Variants in SCML4 observed in about 807,000 individuals in gnomAD.
The protein encoded by SCML4 is Scm polycomb group protein like 4, also known as sex comb on midleg-like protein 4.
In SCML4, 34 loss-of-function variants were observed where a neutral mutation model predicts 41.1. That is an observed-to-expected ratio of 0.83 (90% CI 0.63 to 1.10). The LOEUF is 1.10. Among genes scored for constraint, SCML4 ranks in the 50% least tolerant of loss-of-function variants. The pLI, the probability that SCML4 is intolerant of heterozygous loss-of-function variation, is 0.00. For synonymous variants in SCML4, 214 were observed against 220.9 expected, an observed-to-expected ratio of 0.97 and a Z score of 0.28; for missense variants, 522 against 534.1, an observed-to-expected ratio of 0.98 and a Z score of 0.22.
At chr6:107,790,503 G>A (rs1321006678) in intron 1 of SCML4, among the ~76,000 whole-genome samples, 2 of 152,106 alleles carry the variant, frequency 1.3e-5, no homozygotes, top group Non-Finnish European at 2.9e-5. Context: ...TTATTTTCTA[G>A]GTCTTCTCCC....
At chr6:107,805,107 A>T (rs535819141) in intron 1 of SCML4, among the ~76,000 whole-genome samples, 64 of 152,270 alleles carry the variant, frequency 4.2e-4, no homozygotes, top group African/African-American at 1.3e-3. Context: ...TGGCTATAGG[A>T]AGCAAAAAGA....
chr6:107,743,786 G>A (rs1240558225), intron 5 of SCML4, among the ~76,000 whole-genome samples: 1 of 152,168 alleles, frequency 6.6e-6, no homozygotes, highest in Admixed American at 6.5e-5. Flanking sequence ...AGAGATAAAA[G>A]CAAAATTGTA....
At chr6:107,789,281 G>A (rs1397287466) in intron 1 of SCML4, among the ~76,000 whole-genome samples, 2 of 152,190 alleles carry the variant, frequency 1.3e-5, no homozygotes, top group Non-Finnish European at 1.5e-5. Flanking sequence ...ACTAAGCAGA[G>A]CACAGGGACG....
chr6:107,779,449 T>C (rs937168055), intron 1 of SCML4, among the ~76,000 whole-genome samples: 2 of 151,992 alleles, frequency 1.3e-5, no homozygotes, highest in African/African-American at 4.8e-5. Flanking sequence ...GCAGGGATGT[T>C]TGGTGGTGCA....
chr6:107,747,417 C>G (rs1778234363), intron 3 of SCML4, among the ~76,000 whole-genome samples: 1 of 152,102 alleles, frequency 6.6e-6, no homozygotes, highest in Non-Finnish European at 1.5e-5. Context: ...CAACAACCCG[C>G]TTAGGTGAAC....
At chr6:107,805,215 T>A (rs1372467387) in intron 1 of SCML4, among the ~76,000 whole-genome samples, 1 of 152,140 alleles carries the variant, frequency 6.6e-6, no homozygotes, top group South Asian at 2.1e-4. Context: ...CAAAACCATA[T>A]GGCCCCCAAA....
At chr6:107,770,069 A>G (rs1436148200) in intron 2 of SCML4, among the ~76,000 whole-genome samples, 1 of 152,132 alleles carries the variant, frequency 6.6e-6, no homozygotes, top group Non-Finnish European at 1.5e-5. Flanking sequence ...ATGGAGTGAA[A>G]CTGTACAATT....
At chr6:107,834,563 G>C in the SCML4 span, among the ~76,000 whole-genome samples, 2 of 152,194 alleles carry the variant, frequency 1.3e-5, no homozygotes, top group African/African-American at 4.8e-5. Context: ...TCCAGTGAAG[G>C]CCACCAGTGA....
At chr6:107,738,202 C>A (rs1007734845) in intron 5 of SCML4, among the ~76,000 whole-genome samples, 2 of 152,170 alleles carry the variant, frequency 1.3e-5, no homozygotes, top group African/African-American at 4.8e-5. Context: ...TGTGTTACTT[C>A]CCCAAACACA....
At chr6:107,740,064 G>A (rs1303719961) in intron 5 of SCML4, 11 of 467,068 alleles carry the variant, frequency 2.4e-5, no homozygotes, top group Non-Finnish European at 4.4e-5. Flanking sequence ...GAGAACAACT[G>A]GGGTCATTAC....
chr6:107,775,711 C>G lies in SCML4; in HGVS notation c.-59-3325G>C, dbSNP rs533749982. On this transcript the variant is annotated intron_variant, in intron 1 of 7. Transcript: ENST00000369020. ...ATTAAATGCAATCACATTAAAAATC[C>G]AAACTGACTTTAGAAAAAGAAGGGC... Among the ~76,000 whole-genome samples, 25 of 151,876 alleles carry G rather than the reference C, an allele frequency of 1.6e-4. No homozygotes were observed. In the South Asian group the frequency reaches 5.0e-3, roughly 30 times the overall value.
intron 2 of SCML4, among the ~76,000 whole-genome samples, chr6:107,770,425 T>C (rs1193173345): frequency 6.6e-6 from 1 of 152,196 alleles, no homozygotes; most frequent in East Asian, 1.9e-4. Flanking sequence ...TTTGGAACTA[T>C]TATTCTAGAA....
chr6:107,813,206 A>T (rs970976471), intron 1 of SCML4, among the ~76,000 whole-genome samples: 1 of 150,770 alleles, frequency 6.6e-6, no homozygotes, highest in African/African-American at 2.4e-5. Flanking sequence ...TACCAAAAAT[A>T]CAAAAAATTA....
At chr6:107,741,973 G>T (rs922711675) in intron 5 of SCML4, among the ~76,000 whole-genome samples, 1 of 152,172 alleles carries the variant, frequency 6.6e-6, no homozygotes, top group Non-Finnish European at 1.5e-5. Context: ...ATGGTAACAC[G>T]TGAGCTCTCT....
chr6:107,731,455 A>C (rs978869920), intron 5 of SCML4, among the ~76,000 whole-genome samples: 1 of 152,200 alleles, frequency 6.6e-6, no homozygotes, highest in Non-Finnish European at 1.5e-5. Context: ...ATCTCTAAAC[A>C]GTTCTGCCTG....
intron 1 of SCML4, among the ~76,000 whole-genome samples, chr6:107,817,178 G>T (rs1784600381): frequency 6.6e-6 from 1 of 152,102 alleles, no homozygotes; most frequent in African/African-American, 2.4e-5. Flanking sequence ...CCAGAAATAT[G>T]ATTTCTAAAC....
intron 2 of SCML4, among the ~76,000 whole-genome samples, chr6:107,767,099 T>C (rs943158275): frequency 6.6e-6 from 1 of 151,942 alleles, no homozygotes; most frequent in African/African-American, 2.4e-5. Context: ...CTGGGATTAC[T>C]GACACGCGCC....
intron 1 of SCML4, among the ~76,000 whole-genome samples, chr6:107,776,279 A>C (rs1780940572): frequency 6.6e-6 from 1 of 152,224 alleles, no homozygotes; most frequent in Non-Finnish European, 1.5e-5. Flanking sequence ...AAGAACTGCA[A>C]ATTATAAAAA....
intron 1 of SCML4, among the ~76,000 whole-genome samples, chr6:107,793,179 T>TCC (rs1782469867): frequency 6.6e-6 from 1 of 152,046 alleles, no homozygotes; most frequent in African/African-American, 2.4e-5. Context: ...TAGCCCTCTC[T>TCC]CCCCCTGTAT....
Sources: allele counts gnomAD v4.1 joint callset (sites outside exome capture counted in the v4.1 genomes callset), GRCh38; gene constraint gnomAD v4.1.1; transcripts MANE v1.5; gene names NCBI Gene and HGNC (gene_info 2026-07-23, HGNC 2026-07-21).